ZNF813: variants seen among roughly 807,000 people sequenced by gnomAD.
The protein encoded by ZNF813 is zinc finger protein 813.
Under a neutral mutation model 7.2 loss-of-function variants are expected in ZNF813, and 3 were observed. The ratio of observed to expected loss-of-function variants is 0.42; its 90% CI spans 0.19 to 1.08. The LOEUF (loss-of-function observed/expected upper bound fraction) is 1.08, where lower values mean the gene tolerates loss of function less well. Ranked by LOEUF, ZNF813 falls within the 50% of genes least tolerant of loss-of-function variation. The pLI, the probability that ZNF813 is intolerant of heterozygous loss-of-function variation, is 0.30. For synonymous variants in ZNF813, 227 were observed against 256.3 expected, an observed-to-expected ratio of 0.89 and a Z score of 1.09; for missense variants, 714 against 753.3, an observed-to-expected ratio of 0.95 and a Z score of 0.61.
At chr19:53,488,710 C>T (rs761932592) in intron 3 of ZNF813, among the ~76,000 whole-genome samples, 15 of 151,874 alleles carry the variant, frequency 9.9e-5, no homozygotes, top group Non-Finnish European at 1.5e-4. Flanking sequence ...TGAGCCACCG[C>T]GCCCAGCCGT....
In ZNF813 at chr19:53,493,511, C is replaced by A. The variant is rs2086473449; in HGVS notation, c.*1425C>A. ...AAATTGTTTATTGTTACAAACTTCT[C>A]ATCTTTTTGCTTTTATTCCTAAGTA... On this transcript the variant is annotated 3_prime_UTR_variant, in exon 4 of 4. Coordinates refer to ENST00000396403, the MANE Select transcript of ZNF813 (RefSeq NM_001004301.4). The A allele has an allele frequency of 6.6e-6, 1 of 151,272 alleles. No homozygotes were observed. The highest frequency in any genetic ancestry group is 1.5e-5 in the Non-Finnish European group (1 of 67,950). 9.4% of individuals were successfully genotyped at this position (151,272 alleles called of 1,614,324 possible).
rs1264606008 is a variant in ZNF813, at chr19:53,472,064, G to A, written c.-74+4275G>A. Among the ~76,000 whole-genome samples, 8 of 152,104 alleles carry A rather than the reference G, an allele frequency of 5.3e-5. No homozygotes were observed. In the East Asian group the frequency reaches 5.8e-4, roughly 11 times the overall value. ...TGCTTATGGAATGATTTAAAAACTC[G>A]GAATTGTTGCTGGTCCGGGTTCCTT... On this transcript the variant is annotated intron_variant, in intron 1 of 3. Transcript: ENST00000396403.
chr19:53,486,220 G>T (rs1318422719), intron 2 of ZNF813, among the ~76,000 whole-genome samples: 1 of 152,160 alleles, frequency 6.6e-6, no homozygotes, highest in Admixed American at 6.6e-5. Context: ...CACTTTGAGA[G>T]GCTGAGGCAG....
chr19:53,468,068 C>G (rs1280630600), intron 1 of ZNF813, among the ~76,000 whole-genome samples: 2 of 152,260 alleles, frequency 1.3e-5, no homozygotes, highest in African/African-American at 4.8e-5. Flanking sequence ...TCCTCCCACC[C>G]CGCGCTTTTT....
In ZNF813 at chr19:53,491,234, G is replaced by A; in HGVS notation, c.1002G>A (p.Lys334=). The A allele has an allele frequency of 1.9e-6, 3 of 1,613,926 alleles. No homozygotes were observed. Among genetic ancestry groups the A allele is most frequent in the Non-Finnish European group, 2.5e-6 (3 of 1,179,802 alleles). ...CATACAAGTGTAATGAATGTGGCAA[G>A]ACCTTTAGTCAGACGTCATCCCTTA... The part of the protein sequence containing the change: ...EKPYKCNECG[K]TFSQTSSLTC... Residue 334 remains lysine, a synonymous_variant, in exon 4 of 4, where the codon AAG becomes AAA. Coordinates refer to ENST00000396403, the MANE Select transcript of ZNF813 (RefSeq NM_001004301.4).
In ZNF813 at chr19:53,493,200, G is replaced by T; in HGVS notation, c.*1114G>T. On this transcript the variant is annotated 3_prime_UTR_variant, in exon 4 of 4. Coordinates refer to ENST00000396403, the MANE Select transcript of ZNF813 (RefSeq NM_001004301.4). ...GAGGTCAGGAGTTTCAGATCAGTCT[G>T]GCCAACAAACATGAGCCACTTTTCC... The T allele has an allele frequency of 5.5e-6, 1 of 180,302 alleles. No individual in the cohort carries two copies. The highest frequency in any genetic ancestry group is 1.2e-5 in the Non-Finnish European group (1 of 85,566). 11.2% of individuals were successfully genotyped at this position (180,302 alleles called of 1,614,324 possible). A position where few individuals can be genotyped will look rare whatever the true frequency, so the allele number is the denominator to read the frequency against.
rs1234243569 is a variant in ZNF813 at position 53,496,021 on chromosome 19, C to T, written c.*3935C>T. 3.1e-5 allele frequency: 11 copies of T among 349,494 alleles called. No individual in the cohort carries two copies. The highest frequency in any genetic ancestry group is 5.1e-5 in the Non-Finnish European group (9 of 176,808). 21.6% of individuals were successfully genotyped at this position (349,494 alleles called of 1,614,324 possible). A position where few individuals can be genotyped will look rare whatever the true frequency, so the allele number is the denominator to read the frequency against. ...TCCAAAAGGAGACATTGGAGAAGAA[C>T]GAAGCGGGGTCTATAAGGAATTGCA... is the stretch of plus-strand genomic sequence containing the variant. On this transcript the variant is annotated 3_prime_UTR_variant, in exon 4 of 4. Coordinates refer to ENST00000396403, the MANE Select transcript of ZNF813 (RefSeq NM_001004301.4).
At chr19:53,472,513 A>G (rs1325987335) in intron 1 of ZNF813, among the ~76,000 whole-genome samples, 4 of 151,530 alleles carry the variant, frequency 2.6e-5, no homozygotes, top group Non-Finnish European at 4.4e-5. Context: ...ATTTTAAACT[A>G]TTCACCAGGT....
chr19:53,480,333 A>T (rs2086402099), intron 1 of ZNF813, among the ~76,000 whole-genome samples: 1 of 151,318 alleles, frequency 6.6e-6, no homozygotes, highest in South Asian at 2.1e-4. Flanking sequence ...ATGTGAGCCC[A>T]ATGCATGTCT....
intron 1 of ZNF813, among the ~76,000 whole-genome samples, chr19:53,472,611 C>CTTTTTTTT (rs1166123869): frequency 7.8e-6 from 1 of 128,408 alleles, no homozygotes; most frequent in Non-Finnish European, 1.6e-5. Context: ...ACAAGTCTTT[C>CTTTTTTTT]TTTTTTTTTT....
chr19:53,470,246 G>GCAAACAGC (rs1334114256), intron 1 of ZNF813, among the ~76,000 whole-genome samples: 1 of 152,004 alleles, frequency 6.6e-6, no homozygotes, highest in Non-Finnish European at 1.5e-5. Flanking sequence ...CTTCGACTTC[G>GCAAACAGC]CAAACAGCGT....
At chr19:53,486,841 C>G in intron 3 of ZNF813, 83 bp downstream of exon 3, 1 of 1,604,866 alleles carries the variant, frequency 6.2e-7, no homozygotes, top group Non-Finnish European at 8.5e-7. Context: ...CAGTGTCTTG[C>G]TCTGTCACCC....
In ZNF813 at chr19:53,479,311, G is replaced by C; in HGVS notation, c.-73-4439G>C. 4 of 1,565,536 alleles carry C rather than the reference G, an allele frequency of 2.6e-6. No homozygotes were observed. In the Admixed American group the frequency reaches 6.8e-5, roughly 26 times the overall value. ...GGAGGCTGCAATGCCGAATGGAGGA[G>C]GCAGGAACCGGAGTGTGAGCAGTAG... On this transcript the variant is annotated intron_variant, in intron 1 of 3. Transcript: ENST00000396403.
In ZNF813 at chr19:53,490,949, A is replaced by T; in HGVS notation, c.717A>T (p.Gly239=). 1.2e-6 allele frequency: 2 copies of T among 1,614,198 alleles called. No homozygotes were observed. Among genetic ancestry groups the T allele is most frequent in the South Asian group, 2.2e-5 (2 of 91,080 alleles). ...LLRKHQIIHL[G]EKQYKCDVCG... Reference sequence around the variant, plus strand: ...GGAAACATCAAATAATCCATTTAGGAGAGAAACAATATAAATGTGATGTAT... The same window carrying T: ...GGAAACATCAAATAATCCATTTAGGTGAGAAACAATATAAATGTGATGTAT... The change falls in exon 4 of 4, where the codon GGA becomes GGT. Residue 239 remains glycine (G), a synonymous_variant. Coordinates refer to ENST00000396403, the MANE Select transcript of ZNF813 (RefSeq NM_001004301.4).
At position 53,492,049 on chromosome 19, in the gene ZNF813, C is replaced by A. The variant is rs1432725967; in HGVS notation, c.1817C>A (p.Pro606His). Reference protein sequence around the residue: ...RHHRLHTGEKPYKFNECGKAF... With the variant: ...RHHRLHTGEKHYKFNECGKAF... ...CATAGACTTCATACTGGAGAGAAAC[C>A]TTACAAGTTTAATGAGTGTGGCAAA... The change falls in exon 4 of 4, where the codon CCT (proline) becomes CAT (histidine). Residue 606 changes from proline (P) to histidine (H), a missense_variant. Around this residue, in one of 3 missense-constraint regions of ZNF813, gnomAD observed 122 missense variants for 146.8 expected, o/e 0.83. Transcript: ENST00000396403. The A allele has an allele frequency of 2.5e-6, 4 of 1,613,572 alleles. No homozygotes were observed. The African/African-American group carries it at 5.3e-5, about 22-fold the overall frequency.
chr19:53,490,385 C>G lies in ZNF813; in HGVS notation c.153C>G (p.Ser51=). ...GTTTATATTTTGTAGATATCTCTTC[C>G]AAATGCATGATGAAGGAGTTCTCAT... ...YRNLVSLDIS[S]KCMMKEFSST... is the part of the protein sequence containing the mutation. Residue 51 remains serine, a synonymous_variant, in exon 4 of 4, where the codon TCC becomes TCG. Transcript: ENST00000396403. 1 of 1,613,936 alleles carries G rather than the reference C, an allele frequency of 6.2e-7. No homozygotes were observed.
chr19:53,470,374 T>C (rs568608307), intron 1 of ZNF813, among the ~76,000 whole-genome samples: 11 of 149,856 alleles, frequency 7.3e-5, no homozygotes, highest in African/African-American at 2.7e-4. Context: ...ATTTTTTTTT[T>C]AATTTCTGCC....
intron 2 of ZNF813, among the ~76,000 whole-genome samples, 186 bp from the exon 3 acceptor site, chr19:53,486,446 C>CA (rs71304182): frequency 0.32 from 42,832 of 133,436 alleles, 6,485 homozygotes; most frequent in Middle Eastern, 0.38. Context: ...GACTCCACCT[C>CA]AAAAAAAAAA....
At chr19:53,479,722 T>C (rs2086398253) in intron 1 of ZNF813, 4 of 1,182,330 alleles carry the variant, frequency 3.4e-6, no homozygotes, top group South Asian at 1.2e-5. Flanking sequence ...ATGGGAAGTA[T>C]GAAGAGGTGG....
Sources: gnomAD v4.1 joint callset for allele counts (sites outside exome capture counted in the v4.1 genomes callset) on GRCh38, gnomAD v4.1.1 for gene constraint, gnomAD v4.1.1 regional missense constraint, MANE v1.5 for transcripts, NCBI Gene and HGNC (gene_info 2026-07-23, HGNC 2026-07-21) for gene names.